RTL4: variants seen among roughly 807,000 people sequenced by gnomAD.
RTL4 encodes the protein retrotransposon Gag-like protein 4.
A neutral mutation model predicts 5.3 loss-of-function variants in RTL4; 4 were observed. The ratio of observed to expected loss-of-function variants is 0.75; its 90% CI spans 0.37 to 1.72. The LOEUF is 1.72. RTL4 is among the 40% of genes most tolerant of loss of function. The pLI, the probability that RTL4 is intolerant of heterozygous loss-of-function variation, is 0.04. For synonymous variants in RTL4, 98 were observed against 87.3 expected (o/e 1.12, Z -0.68); for missense variants, 260 against 227.1 (o/e 1.14, Z -0.93).
chrX:112,330,442 T>C, the RTL4 span, among the ~76,000 whole-genome samples: 52 of 109,248 alleles, frequency 4.8e-4, no homozygotes, highest in Non-Finnish European at 5.3e-4. Context: ...AGGAATCCAA[T>C]TTACAAGGGA....
At chrX:112,301,664 C>G in the RTL4 span, among the ~76,000 whole-genome samples, 1 of 109,905 alleles carries the variant, frequency 9.1e-6, no homozygotes, top group African/African-American at 3.3e-5. Flanking sequence ...AGGATGGTAG[C>G]TAAAAGCATT....
the RTL4 span, among the ~76,000 whole-genome samples, chrX:112,090,392 T>A: frequency 9.0e-6 from 1 of 111,308 alleles, no homozygotes; most frequent in East Asian, 2.8e-4. Flanking sequence ...TTAATAAACA[T>A]CCTTTATCAG....
At chrX:112,088,172 A>C in the RTL4 span, among the ~76,000 whole-genome samples, 1 of 109,115 alleles carries the variant, frequency 9.2e-6, no homozygotes, top group African/African-American at 3.3e-5. Flanking sequence ...TCATCATACC[A>C]AAAGAAGATC....
chrX:112,338,459 GTGAC>G, the RTL4 span, among the ~76,000 whole-genome samples: 1 of 111,868 alleles, frequency 8.9e-6, no homozygotes, highest in Non-Finnish European at 1.9e-5. Flanking sequence ...TAAATTAAAA[GTGAC>G]TGACAAAAAA....
the RTL4 span, among the ~76,000 whole-genome samples, chrX:112,371,271 G>A: frequency 9.0e-6 from 1 of 110,513 alleles, no homozygotes; most frequent in African/African-American, 3.3e-5. Context: ...TTCTTCTTTG[G>A]CATATCTCCT....
the RTL4 span, among the ~76,000 whole-genome samples, chrX:112,215,371 A>G: frequency 8.9e-6 from 1 of 111,967 alleles, no homozygotes; most frequent in Admixed American, 9.5e-5. Context: ...ATACCTGTTG[A>G]CAATTTGCAT....
the RTL4 span, among the ~76,000 whole-genome samples, chrX:112,448,281 T>C: frequency 5.3e-5 from 6 of 112,341 alleles, no homozygotes; most frequent in South Asian, 2.2e-3. Flanking sequence ...GCATGTACTC[T>C]TTGAAACGAT....
At chrX:112,328,460 A>G in the RTL4 span, among the ~76,000 whole-genome samples, 1 of 111,931 alleles carries the variant, frequency 8.9e-6, no homozygotes, top group African/African-American at 3.2e-5. Context: ...AGAGCTAACT[A>G]TCCTAAATAT....
the RTL4 span, among the ~76,000 whole-genome samples, chrX:112,448,140 C>T: frequency 2.7e-5 from 3 of 111,669 alleles, no homozygotes; most frequent in African/African-American, 6.5e-5. Context: ...GAATTAAAGA[C>T]GAAAGAGACA....
the RTL4 span, among the ~76,000 whole-genome samples, chrX:112,195,700 T>C: frequency 1.8e-5 from 2 of 111,530 alleles, no homozygotes; most frequent in Non-Finnish European, 3.8e-5. Context: ...GCCTAGAAAT[T>C]GCCCCACAGT....
the RTL4 span, among the ~76,000 whole-genome samples, chrX:112,361,736 T>G: frequency 1.3e-4 from 14 of 110,962 alleles, no homozygotes; most frequent in African/African-American, 4.6e-4. Context: ...AGACCTTAAC[T>G]CCTTGATCTC....
chrX:112,231,646 C>G, the RTL4 span, among the ~76,000 whole-genome samples: 1 of 108,413 alleles, frequency 9.2e-6, no homozygotes, highest in Non-Finnish European at 1.9e-5. Context: ...GGGTGCAGCA[C>G]AGCAACATGG....
At chrX:112,150,571 A>G in the RTL4 span, among the ~76,000 whole-genome samples, 207 of 111,992 alleles carry the variant, frequency 1.8e-3, 2 homozygotes, top group African/African-American at 6.6e-3. Context: ...TAATGGTGGC[A>G]TGTAAGATTA....
the RTL4 span, among the ~76,000 whole-genome samples, chrX:112,321,534 CAAA>C: frequency 1.4e-4 from 5 of 36,414 alleles, no homozygotes; most frequent in Admixed American, 3.4e-4. Context: ...GACTCCGTCT[CAAA>C]AAAAAAAAAA....
chrX:112,411,527 AG>A, the RTL4 span, among the ~76,000 whole-genome samples: 1 of 111,583 alleles, frequency 9.0e-6, no homozygotes, highest in African/African-American at 3.2e-5. Context: ...GGTTTATCTC[AG>A]GAACACAAGG....
the RTL4 span, among the ~76,000 whole-genome samples, chrX:112,328,554 T>A: frequency 9.0e-6 from 1 of 111,394 alleles, no homozygotes; most frequent in Non-Finnish European, 1.9e-5. Flanking sequence ...CACACATTAA[T>A]AATGGGAGAC....
the RTL4 span, among the ~76,000 whole-genome samples, chrX:112,305,302 G>A: frequency 1.7e-4 from 18 of 107,575 alleles, no homozygotes; most frequent in South Asian, 3.4e-3. Context: ...GACTATAGGC[G>A]TGCACCACCA....
the RTL4 span, among the ~76,000 whole-genome samples, chrX:112,348,796 A>C: frequency 9.1e-6 from 1 of 110,264 alleles, no homozygotes; most frequent in Non-Finnish European, 1.9e-5. Flanking sequence ...TAGAAGTGAA[A>C]CAAAGTCAAT....
chrX:112,122,876 T>C, the RTL4 span, among the ~76,000 whole-genome samples: 1 of 111,782 alleles, frequency 8.9e-6, no homozygotes, highest in East Asian at 2.8e-4. Flanking sequence ...GTCAATTTAT[T>C]ATTTATTTTT....
Sources: gnomAD v4.1 joint callset for allele counts (sites outside exome capture counted in the v4.1 genomes callset) on GRCh38, gnomAD v4.1.1 for gene constraint, MANE v1.5 for transcripts, NCBI Gene and HGNC (gene_info 2026-07-23, HGNC 2026-07-21) for gene names.